AKAP13: variants seen among roughly 807,000 people sequenced by gnomAD.
The protein encoded by AKAP13 is A-kinase anchor protein 13.
AKAP13 carries 80 observed loss-of-function variants against 264.5 expected under a neutral mutation model. That is an observed-to-expected ratio of 0.30 (90% CI 0.25 to 0.36). The LOEUF (loss-of-function observed/expected upper bound fraction) is 0.36, where lower values mean the gene tolerates loss of function less well. Among genes scored for constraint, AKAP13 ranks in the 10% least tolerant of loss-of-function variants. The pLI, the probability that AKAP13 is intolerant of heterozygous loss-of-function variation, is 1.00. For missense variants in AKAP13, 3,712 were observed against 3,435.2 expected, an observed-to-expected ratio of 1.08 and a Z score of -2.01; for synonymous variants, 1,380 against 1,250.2, an observed-to-expected ratio of 1.10 and a Z score of -2.19.
Position 85,550,305 on chromosome 15 carries a change from C to T in AKAP13, c.662+6350C>T, listed in dbSNP as rs141934872. On this transcript the variant is annotated intron_variant, in intron 5 of 36. Coordinates refer to ENST00000394518, the MANE Select transcript of AKAP13 (RefSeq NM_007200.5). ...TCACAAGGTTGCAAAGTAACAGAAC[C>T]TAAAGTGCACCGATCTGTCCAGATT... Among the ~76,000 whole-genome samples, 968 of 152,260 alleles carry T rather than the reference C, an allele frequency of 6.4e-3. 11 individuals are homozygous for T. Among genetic ancestry groups the T allele is most frequent in the African/African-American group, 0.022 (907 of 41,540 alleles).
In AKAP13 at chr15:85,629,764, C is replaced by CTTTTTTTTTTTTTTTTTTT. The variant is rs773396099; in HGVS notation, c.4162-9595_4162-9577dup. ...GAAATATAATGAGTTCCTTTACAGCCTTTTTTTTTTTTTTTTTTTTTTTTT... is the reference window on the plus strand; with the variant it reads ...GAAATATAATGAGTTCCTTTACAGCCTTTTTTTTTTTTTTTTTTTTTTTTTTTTTTTTTTTTTTTTTTTT... On this transcript the variant is annotated intron_variant, in intron 8 of 36. Transcript: ENST00000394518. 1.8e-4 allele frequency among the ~76,000 whole-genome samples: 9 copies of CTTTTTTTTTTTTTTTTTTT among 50,526 alleles called. 1 individual carries two copies. The highest frequency in any genetic ancestry group is 3.0e-4 in the Non-Finnish European group (8 of 26,950). 33.1% of individuals were successfully genotyped at this position (50,526 alleles called of 152,430 possible). A position where few individuals can be genotyped will look rare whatever the true frequency, so the allele number is the denominator to read the frequency against.
At chr15:85,626,834 C>T (rs954838818) in intron 8 of AKAP13, among the ~76,000 whole-genome samples, 15 of 151,906 alleles carry the variant, frequency 9.9e-5, no homozygotes, top group African/African-American at 2.7e-4. Context: ...TACTGTTTTC[C>T]GCAGTGCCTG....
In AKAP13 at chr15:85,704,087, T is replaced by A. The variant is rs1360633631; in HGVS notation, c.5465-3932T>A. ...TATCCTTAAAGGTAATTCCTCAACTTGTGTCCTGGAGAAGAATCAGGTCAT... is the reference window on the plus strand; with the variant it reads ...TATCCTTAAAGGTAATTCCTCAACTAGTGTCCTGGAGAAGAATCAGGTCAT... On this transcript the variant is annotated intron_variant, in intron 17 of 36. Coordinates refer to ENST00000394518, the MANE Select transcript of AKAP13 (RefSeq NM_007200.5). 4.6e-5 allele frequency among the ~76,000 whole-genome samples: 7 copies of A among 152,274 alleles called. No homozygotes were observed. In the East Asian group the frequency reaches 1.3e-3, roughly 29 times the overall value.
chr15:85,685,946 T>G (rs1167535419), intron 16 of AKAP13, among the ~76,000 whole-genome samples: 1 of 152,210 alleles, frequency 6.6e-6, no homozygotes, highest in Non-Finnish European at 1.5e-5. Flanking sequence ...AAATGTATTT[T>G]CAAAAGAAAG....
chr15:85,744,565 G>A, intron 36 of AKAP13, 63 bp from the exon 37 acceptor site: 1 of 1,557,898 alleles, frequency 6.4e-7, no homozygotes, highest in South Asian at 1.1e-5. Context: ...GGGATGGGGA[G>A]GAAGTTCAAT....
Position 85,747,000 on chromosome 15 carries a change from A to C in AKAP13, c.*2323A>C, listed in dbSNP as rs1017014763. ...TTAGAGGGTCTCTTACTCCCCGCCC[A>C]GCTGTGATGTTTCATCTGCTTTGGT... On this transcript the variant is annotated 3_prime_UTR_variant, in exon 37 of 37. Coordinates refer to ENST00000394518, the MANE Select transcript of AKAP13 (RefSeq NM_007200.5). 6.6e-6 allele frequency: 1 copy of C among 152,192 alleles called. No individual in the cohort carries two copies. Among genetic ancestry groups the C allele is most frequent in the African/African-American group, 2.4e-5 (1 of 41,444 alleles). 9.4% of individuals were successfully genotyped at this position (152,192 alleles called of 1,614,324 possible).
chr15:85,728,413 T>C (rs967082226), intron 29 of AKAP13, among the ~76,000 whole-genome samples: 1 of 152,202 alleles, frequency 6.6e-6, no homozygotes, highest in African/African-American at 2.4e-5. Context: ...GGCCCATGAT[T>C]AGGATGACAA....
intron 30 of AKAP13, among the ~76,000 whole-genome samples, chr15:85,734,280 A>T (rs887240676): frequency 1.3e-5 from 2 of 152,158 alleles, no homozygotes; most frequent in African/African-American, 4.8e-5. Flanking sequence ...TTTGACTTCA[A>T]TATTTTCTAT....
At chr15:85,557,420 A>G (rs1193592491) in intron 5 of AKAP13, among the ~76,000 whole-genome samples, 24 of 152,176 alleles carry the variant, frequency 1.6e-4, no homozygotes, top group Admixed American at 1.6e-3. Flanking sequence ...TGATTCAGGG[A>G]AATCATTTCA....
At chr15:85,647,170 G>A (rs571296674) in intron 10 of AKAP13, among the ~76,000 whole-genome samples, 66 of 152,244 alleles carry the variant, frequency 4.3e-4, no homozygotes, top group African/African-American at 1.3e-3. Context: ...AGGCCAAGGC[G>A]GGTAGATCAC....
chr15:85,450,220 A>T (rs2074034462), intron 1 of AKAP13, among the ~76,000 whole-genome samples: 2 of 152,004 alleles, frequency 1.3e-5, no homozygotes, highest in Admixed American at 1.3e-4. Flanking sequence ...TGTTTGTAGT[A>T]GTTTCTCATG....
At chr15:85,632,726 G>GT (rs1555453046) in intron 8 of AKAP13, among the ~76,000 whole-genome samples, 1 of 152,146 alleles carries the variant, frequency 6.6e-6, no homozygotes, top group Non-Finnish European at 1.5e-5. Context: ...CTCACTTTAT[G>GT]TAACACATGT....
Position 85,579,648 on chromosome 15 carries a change from C to A in AKAP13, c.1580C>A (p.Pro527His), listed in dbSNP as rs114851088. ...GASDVHVTSKPVDKISVPNCA... is the reference protein window; with the variant it reads ...GASDVHVTSKHVDKISVPNCA... ...TCTGACGTGCACGTCACAAGTAAGC[C>A]TGTGGATAAAATCAGTGTTCCAAAC... Residue 527 changes from proline (P) to histidine (H), a missense_variant, in exon 7 of 37, where the codon CCT (proline) becomes CAT (histidine). Pro to His is a moderately conservative substitution (Grantham distance 77). Around this residue, in one of 3 missense-constraint regions of AKAP13, gnomAD observed 2,759 missense variants for 2,411.7 expected, o/e 1.14. Coordinates refer to ENST00000394518, the MANE Select transcript of AKAP13 (RefSeq NM_007200.5). The A allele has an allele frequency of 5.0e-6, 8 of 1,614,214 alleles. No homozygotes were observed. Among genetic ancestry groups the A allele is most frequent in the Non-Finnish European group, 5.9e-6 (7 of 1,180,044 alleles).
At chr15:85,605,773 A>T (rs529923788) in intron 8 of AKAP13, among the ~76,000 whole-genome samples, 13 of 152,360 alleles carry the variant, frequency 8.5e-5, no homozygotes, top group African/African-American at 2.4e-4. Context: ...TTTATATTTT[A>T]AAAAAGCATT....
intron 5 of AKAP13, among the ~76,000 whole-genome samples, chr15:85,566,811 G>A (rs2078622542): frequency 6.6e-6 from 1 of 151,498 alleles, no homozygotes; most frequent in South Asian, 2.1e-4. Flanking sequence ...TATTTTTTGG[G>A]TGGAGACGGG....
chr15:85,477,048 T>G (rs1194277651), intron 1 of AKAP13, among the ~76,000 whole-genome samples: 1 of 152,104 alleles, frequency 6.6e-6, no homozygotes, highest in Non-Finnish European at 1.5e-5. Context: ...ATTTTATGTT[T>G]ATGCTTTTCT....
Position 85,579,027 on chromosome 15 carries a change from G to A in AKAP13, c.959G>A (p.Cys320Tyr). 1 of 1,614,108 alleles carries A rather than the reference G, an allele frequency of 6.2e-7. No homozygotes were observed. Among genetic ancestry groups the A allele is most frequent in the South Asian group, 1.1e-5 (1 of 91,074 alleles). ...APETDGQFLP[C>Y]APEPTDPQRL... ...GAGACAGATGGCCAGTTTCTTCCCTGTGCACCGGAGCCCACGGACCCTCAG... is the reference window on the plus strand; with the variant it reads ...GAGACAGATGGCCAGTTTCTTCCCTATGCACCGGAGCCCACGGACCCTCAG... The change falls in exon 7 of 37, where the codon TGT becomes TAT. Residue 320 changes from cysteine to tyrosine, a missense_variant. By Grantham distance (194) the Cys-to-Tyr change is radical. This residue lies in a region of AKAP13 where 2,759 missense variants were observed against 2,411.7 expected (regional missense o/e 1.14). Coordinates refer to ENST00000394518, the MANE Select transcript of AKAP13 (RefSeq NM_007200.5).
intron 5 of AKAP13, among the ~76,000 whole-genome samples, chr15:85,566,041 A>G (rs1172213118): frequency 2.0e-5 from 3 of 152,206 alleles, no homozygotes; most frequent in African/African-American, 7.2e-5. Flanking sequence ...GCATGGTAAC[A>G]TTAAGTTAGA....
At chr15:85,679,159 T>A (rs1237842278) in intron 14 of AKAP13, among the ~76,000 whole-genome samples, 1 of 151,860 alleles carries the variant, frequency 6.6e-6, no homozygotes, top group Non-Finnish European at 1.5e-5. Context: ...GAGAATTGCT[T>A]GAACCCAGGA....
Sources: gnomAD v4.1 joint callset for allele counts (sites outside exome capture counted in the v4.1 genomes callset) on GRCh38, gnomAD v4.1.1 for gene constraint, gnomAD v4.1.1 regional missense constraint, MANE v1.5 for transcripts, NCBI Gene and HGNC (gene_info 2026-07-23, HGNC 2026-07-21) for gene names.